ZNF483: variants seen among roughly 807,000 people sequenced by gnomAD.
The protein encoded by ZNF483 is zinc finger protein 483, also known as zinc finger protein HIT-10.
A neutral mutation model predicts 28.6 loss-of-function variants in ZNF483; 9 were observed. The observed-to-expected ratio is 0.32, with a 90% CI of 0.19 to 0.55. ZNF483 has a LOEUF of 0.55. Among genes scored for constraint, ZNF483 ranks in the 20% least tolerant of loss-of-function variants. ZNF483 has a pLI of 0.93. For synonymous variants in ZNF483, 322 were observed against 306.2 expected (o/e 1.05, Z -0.54); for missense variants, 675 against 871.7 (o/e 0.77, Z 2.84).
chr9:111,564,332 G>T (rs1828457805), intron 5 of ZNF483: 2 of 592,346 alleles, frequency 3.4e-6, no homozygotes, highest in South Asian at 6.0e-5. Context: ...CTGAGACAGG[G>T]TCTCACTCTG....
intron 3 of ZNF483, 80 bp from the exon 4 acceptor site, chr9:111,533,659 A>C: frequency 7.1e-7 from 1 of 1,415,354 alleles, no homozygotes; most frequent in Non-Finnish European, 9.3e-7. Context: ...ACAGAGCCAT[A>C]ATAGCCTGTC....
chr9:111,576,538 G>A (rs1273916388), exon 6 of ZNF483: 6 of 1,309,400 alleles, frequency 4.6e-6, no homozygotes, highest in African/African-American at 1.5e-5. Flanking sequence ...TCCCAACTCT[G>A]GGGGTATTAG....
rs976542643 is a variant in ZNF483, at chr9:111,547,768, A to G, written c.*4598A>G. 5.3e-5 allele frequency among the ~76,000 whole-genome samples: 8 copies of G among 152,134 alleles called. No homozygotes were observed. The highest frequency in any genetic ancestry group is 1.9e-4 in the African/African-American group (8 of 41,454). On this transcript the variant is annotated 3_prime_UTR_variant, in exon 6 of 6. Coordinates refer to ENST00000309235, the MANE Select transcript of ZNF483 (RefSeq NM_133464.5). ...CCTATTCTAGGAGTTTTATAGTTTC[A>G]GGTCTTATGTTTAAGTCTTTTAACC...
chr9:111,549,647 G>T lies in ZNF483; in HGVS notation c.*6477G>T. On this transcript the variant is annotated 3_prime_UTR_variant, in exon 6 of 6. Transcript: ENST00000309235. ...TTCTGGGGCAGCGGTCGTGGTGGTG[G>T]TGGCAGCGGCAGCAGGGTTCCCCAT... is the stretch of plus-strand genomic sequence containing the variant. 1 of 1,292,766 alleles carries T rather than the reference G, an allele frequency of 7.7e-7. No homozygotes were observed. The highest frequency in any genetic ancestry group is 1.5e-5 in the African/African-American group (1 of 66,234). 80.1% of individuals were successfully genotyped at this position (1,292,766 alleles called of 1,614,324 possible).
At chr9:111,569,365 C>A (rs1295642669) in intron 5 of ZNF483, among the ~76,000 whole-genome samples, 1 of 152,080 alleles carries the variant, frequency 6.6e-6, no homozygotes, top group African/African-American at 2.4e-5. Flanking sequence ...TTAAGGGAAG[C>A]CAAGGGAAGA....
At chr9:111,563,140 T>C in intron 5 of ZNF483, 2 of 1,614,018 alleles carry the variant, frequency 1.2e-6, no homozygotes, top group African/African-American at 1.3e-5. Context: ...CACTATTGTC[T>C]TCCCCAAATT....
chr9:111,567,679 C>T (rs184739282), intron 5 of ZNF483, among the ~76,000 whole-genome samples: 4 of 152,272 alleles, frequency 2.6e-5, no homozygotes, highest in African/African-American at 9.6e-5. Flanking sequence ...AAATGCAGAG[C>T]TTTGCATGGT....
chr9:111,536,196 TTA>T (rs951202150), intron 5 of ZNF483, among the ~76,000 whole-genome samples: 2 of 150,934 alleles, frequency 1.3e-5, no homozygotes. Context: ...CGGCCACAAT[TTA>T]TATATATATA....
In ZNF483 at chr9:111,538,756, C is replaced by T. The variant is rs563917099; in HGVS notation, c.722-2901C>T. On this transcript the variant is annotated intron_variant, in intron 5 of 5. Transcript: ENST00000309235. Reference sequence around the variant, plus strand: ...CACAGCTTGTTTTAAAAGTTATTTACGACACACCAGAGAAAAAAGTTTTGA... The same window carrying T: ...CACAGCTTGTTTTAAAAGTTATTTATGACACACCAGAGAAAAAAGTTTTGA... Among the ~76,000 whole-genome samples the T allele has an allele frequency of 8.5e-5, 13 of 152,056 alleles. No homozygotes were observed. In the East Asian group the frequency reaches 1.4e-3, roughly 16 times the overall value.
At chr9:111,561,537 C>T (rs992519556) in intron 5 of ZNF483, among the ~76,000 whole-genome samples, 10 of 152,184 alleles carry the variant, frequency 6.6e-5, no homozygotes, top group Admixed American at 6.5e-4. Flanking sequence ...GCTGGGATTA[C>T]AGGTGTGAGC....
chr9:111,557,546 A>G (rs1309589271), downstream of ZNF483, among the ~76,000 whole-genome samples: 1 of 151,794 alleles, frequency 6.6e-6, no homozygotes, highest in East Asian at 2.0e-4. Context: ...CCCGGGTTCA[A>G]GTGATTCTCA....
At chr9:111,560,944 A>AATATAT (rs746101013) in intron 5 of ZNF483, among the ~76,000 whole-genome samples, 2 of 31,212 alleles carry the variant, frequency 6.4e-5, no homozygotes, top group African/African-American at 1.5e-4. Flanking sequence ...CTCCATCTAA[A>AATATAT]ATATATATAT....
At chr9:111,560,947 ATATAT>A in intron 5 of ZNF483, among the ~76,000 whole-genome samples, 1 of 11,616 alleles carries the variant, frequency 8.6e-5, no homozygotes, top group South Asian at 4.3e-3. Context: ...CATCTAAAAT[ATATAT>A]ATATATATAT....
chr9:111,564,796 G>A lies in ZNF483; in HGVS notation c.722-11569G>A, dbSNP rs558710860. ...GTCCTAATCACCAGTGCCTGACAAT[G>A]GGACTATATTTGGAGATAGGGCTTT... On this transcript the variant is annotated intron_variant, in intron 5 of 5. Transcript: ENST00000358151. Among the ~76,000 whole-genome samples, 3 of 152,128 alleles carry A rather than the reference G, an allele frequency of 2.0e-5. No homozygotes were observed. The South Asian group carries it at 6.2e-4, about 32-fold the overall frequency.
chr9:111,539,232 G>T (rs1295717552), intron 5 of ZNF483, among the ~76,000 whole-genome samples: 1 of 150,828 alleles, frequency 6.6e-6, no homozygotes, highest in African/African-American at 2.4e-5. Flanking sequence ...AATAGCTTGT[G>T]AACATGAAAA....
At chr9:111,531,244 T>C (rs1410071956) in intron 3 of ZNF483, among the ~76,000 whole-genome samples, 3 of 152,156 alleles carry the variant, frequency 2.0e-5, no homozygotes, top group Non-Finnish European at 2.9e-5. Context: ...AACTGACGCC[T>C]CATTTTCCAC....
In ZNF483 at chr9:111,547,473, C is replaced by T. The variant is rs968639380; in HGVS notation, c.*4303C>T. Among the ~76,000 whole-genome samples the T allele has an allele frequency of 6.6e-6, 1 of 151,854 alleles. No homozygotes were observed. The highest frequency in any genetic ancestry group is 2.4e-5 in the African/African-American group (1 of 41,268). ...GAGAAATGTTTATTGAAGTCCTTTG[C>T]CCATTTTTTAATTGGTTTTGTTGGC... On this transcript the variant is annotated 3_prime_UTR_variant, in exon 6 of 6. Coordinates refer to ENST00000309235, the MANE Select transcript of ZNF483 (RefSeq NM_133464.5).
At chr9:111,575,466 T>C (rs967184163) in intron 5 of ZNF483, 1 of 152,218 alleles carries the variant, frequency 6.6e-6, no homozygotes, top group Non-Finnish European at 1.5e-5. Context: ...AAAAGGTGTA[T>C]AGAGAACAAA....
chr9:111,537,594 C>A (rs1223223536), intron 5 of ZNF483, among the ~76,000 whole-genome samples: 5 of 151,928 alleles, frequency 3.3e-5, no homozygotes, highest in Admixed American at 6.6e-5. Flanking sequence ...GAAATTATTA[C>A]AGTGTATAGT....
Sources: gnomAD v4.1 joint callset for allele counts (sites outside exome capture counted in the v4.1 genomes callset) on GRCh38, gnomAD v4.1.1 for gene constraint, MANE v1.5 for transcripts, NCBI Gene and HGNC (gene_info 2026-07-23, HGNC 2026-07-21) for gene names.